The following YPEL2 variants were observed in gnomAD, a reference collection of about 807,000 sequenced individuals.
YPEL2 encodes yippee like 2, also known as protein yippee-like 2.
YPEL2 carries 2 observed loss-of-function variants against 19.1 expected under a neutral mutation model. The ratio of observed to expected loss-of-function variants is 0.10; its 90% confidence interval spans 0.04 to 0.33. The LOEUF is 0.33. YPEL2 is among the 10% of genes least tolerant of loss of function. The pLI, the probability that YPEL2 is intolerant of heterozygous loss-of-function variation, is 1.00. For missense variants in YPEL2, 66 were observed against 140.7 expected, an observed-to-expected ratio of 0.47 and a Z score of 2.68; for synonymous variants, 52 against 50.0, an observed-to-expected ratio of 1.04 and a Z score of -0.17.
In YPEL2 at chr17:59,343,222, G is replaced by T. The variant is rs552340897; in HGVS notation, c.-195-9993G>T. ...GATATTTTAAATGTACTGGAGAGTG[G>T]CAAACTGAGTAAGGTGATTTAAAAA... On this transcript the variant is annotated intron_variant, in intron 1 of 4. Transcript: ENST00000312655. 2.6e-5 allele frequency among the ~76,000 whole-genome samples: 4 copies of T among 152,326 alleles called. No homozygotes were observed. In the South Asian group the frequency reaches 8.3e-4, roughly 32 times the overall value.
At chr17:59,356,595 C>T (rs1035653915) in intron 2 of YPEL2, among the ~76,000 whole-genome samples, 1 of 152,240 alleles carries the variant, frequency 6.6e-6, no homozygotes, top group Non-Finnish European at 1.5e-5. Flanking sequence ...CTCAGTTTCT[C>T]ACTCATACAA....
In YPEL2 at chr17:59,397,215, T is replaced by C; in HGVS notation, c.*25T>C. ...ATTGGACAGCATCTACCCAACCCAG[T>C]GTCCACGTGAACGCCATTCAACCGA... On this transcript the variant is annotated 3_prime_UTR_variant, in exon 5 of 5. Transcript: ENST00000312655. 6.5e-7 allele frequency: 1 copy of C among 1,546,426 alleles called. No homozygotes were observed. The highest frequency in any genetic ancestry group is 1.2e-5 in the South Asian group (1 of 83,814).
chr17:59,391,910 C>CA lies in YPEL2; in HGVS notation c.270+2454dup, dbSNP rs35971375. ...GTGAGACTCTATCTCAAAAAACAAG[C>CA]AAAAAAAAAAAACCTAGATAGTGTG... is the stretch of plus-strand genomic sequence containing the variant. On this transcript the variant is annotated intron_variant, in intron 4 of 4. Coordinates refer to ENST00000312655, the MANE Select transcript of YPEL2 (RefSeq NM_001005404.4). Among the ~76,000 whole-genome samples, 35 of 146,616 alleles carry CA rather than the reference C, an allele frequency of 2.4e-4. 1 individual carries two copies. The highest frequency in any genetic ancestry group is 7.0e-3 in the Middle Eastern group (2 of 286).
chr17:59,383,178 A>G (rs574539245), intron 2 of YPEL2, among the ~76,000 whole-genome samples: 2 of 152,264 alleles, frequency 1.3e-5, no homozygotes, highest in East Asian at 1.9e-4. Flanking sequence ...ATTGAATTTT[A>G]AAAATTTTAT....
At chr17:59,394,395 T>C (rs2048026958) in intron 4 of YPEL2, among the ~76,000 whole-genome samples, 2 of 137,972 alleles carry the variant, frequency 1.4e-5, no homozygotes, top group African/African-American at 2.8e-5. Flanking sequence ...GCAGAGGCGC[T>C]CCCCACATCT....
At chr17:59,341,994 A>C (rs904749682) in intron 1 of YPEL2, among the ~76,000 whole-genome samples, 3 of 152,218 alleles carry the variant, frequency 2.0e-5, no homozygotes, top group Non-Finnish European at 4.4e-5. Context: ...CAACCTTTTG[A>C]AAGTGCCTCT....
chr17:59,391,595 C>A (rs553975278), intron 4 of YPEL2, among the ~76,000 whole-genome samples: 1 of 151,954 alleles, frequency 6.6e-6, no homozygotes, highest in Admixed American at 6.6e-5. Flanking sequence ...TGGAAACATT[C>A]AGGATTACAA....
At chr17:59,396,746 G>GGC (rs2048041305) in intron 4 of YPEL2, among the ~76,000 whole-genome samples, 1 of 152,184 alleles carries the variant, frequency 6.6e-6, no homozygotes, top group South Asian at 2.1e-4. Flanking sequence ...GCATTTCCTT[G>GGC]GCCGGGTATG....
chr17:59,347,338 G>T (rs968960513), intron 1 of YPEL2, among the ~76,000 whole-genome samples: 1 of 152,004 alleles, frequency 6.6e-6, no homozygotes, highest in African/African-American at 2.4e-5. Context: ...TGTTGCCCAG[G>T]CTAGTCTCAT....
At chr17:59,351,791 T>C (rs974635186) in intron 1 of YPEL2, among the ~76,000 whole-genome samples, 4 of 152,192 alleles carry the variant, frequency 2.6e-5, no homozygotes, top group Non-Finnish European at 5.9e-5. Flanking sequence ...TCACATATAA[T>C]TGGTCGCTTT....
chr17:59,381,073 T>C (rs1028257338), intron 2 of YPEL2, among the ~76,000 whole-genome samples: 2 of 152,240 alleles, frequency 1.3e-5, no homozygotes, highest in African/African-American at 4.8e-5. Flanking sequence ...ACCTCACTTA[T>C]TCTTCTCAGC....
intron 2 of YPEL2, among the ~76,000 whole-genome samples, chr17:59,367,160 CATTA>C (rs1348612893): frequency 2.0e-5 from 3 of 152,164 alleles, no homozygotes; most frequent in Admixed American, 6.5e-5. Flanking sequence ...ATTCAGTAAA[CATTA>C]ATTGAGTGCC....
chr17:59,362,452 C>T (rs1406270510), intron 2 of YPEL2, among the ~76,000 whole-genome samples: 1 of 151,990 alleles, frequency 6.6e-6, no homozygotes, highest in Non-Finnish European at 1.5e-5. Context: ...CTGCTGGGAC[C>T]AAATCTGGTG....
intron 2 of YPEL2, among the ~76,000 whole-genome samples, chr17:59,381,249 G>C (rs148713572): frequency 1.3e-5 from 2 of 152,192 alleles, no homozygotes; most frequent in African/African-American, 4.8e-5. Context: ...ACACCGTGCA[G>C]ATATGCAAGG....
At chr17:59,342,966 G>A (rs1008122844) in intron 1 of YPEL2, among the ~76,000 whole-genome samples, 2 of 152,210 alleles carry the variant, frequency 1.3e-5, no homozygotes, top group Admixed American at 6.5e-5. Flanking sequence ...ACCCAAGGGA[G>A]CATACACAGA....
chr17:59,352,119 T>G (rs760607624), intron 1 of YPEL2, among the ~76,000 whole-genome samples: 2 of 152,224 alleles, frequency 1.3e-5, no homozygotes, highest in Non-Finnish European at 2.9e-5. Context: ...TGATTTTGTT[T>G]GTCTTCCTTC....
chr17:59,375,031 C>G (rs1024509686), intron 2 of YPEL2, among the ~76,000 whole-genome samples: 1 of 152,112 alleles, frequency 6.6e-6, no homozygotes, highest in Non-Finnish European at 1.5e-5. Context: ...GGAGAAAGAG[C>G]TCAGCTCACA....
At chr17:59,395,221 A>G (rs2048032758) in intron 4 of YPEL2, among the ~76,000 whole-genome samples, 1 of 94,738 alleles carries the variant, frequency 1.1e-5, no homozygotes, top group Non-Finnish European at 1.9e-5. Flanking sequence ...GCATGTGTGC[A>G]TGTGTGTGCA....
rs1467536503 is a variant in YPEL2, at chr17:59,400,560, T to G, written c.*3370T>G. On this transcript the variant is annotated 3_prime_UTR_variant, in exon 5 of 5. Coordinates refer to ENST00000312655, the MANE Select transcript of YPEL2 (RefSeq NM_001005404.4). ...TGAAGCAATGCCTCTCTGCATTTTT[T>G]CCCCAGTGGAACAGACTCTGCAGTA... 6.6e-6 allele frequency: 1 copy of G among 152,408 alleles called. No homozygotes were observed. The highest frequency in any genetic ancestry group is 1.5e-5 in the Non-Finnish European group (1 of 67,998). The allele number at this position is 152,408 out of a possible 1,614,324, so 9.4% of individuals were successfully genotyped here.
Sources: allele counts gnomAD v4.1 joint callset (sites outside exome capture counted in the v4.1 genomes callset), GRCh38; gene constraint gnomAD v4.1.1; transcripts MANE v1.5; gene names NCBI Gene and HGNC (gene_info 2026-07-23, HGNC 2026-07-21).